PPHLN1: variants seen among roughly 807,000 people sequenced by gnomAD.
PPHLN1 encodes the protein periphilin 1.
PPHLN1 carries 29 observed loss-of-function variants against 51.3 expected under a neutral mutation model. The observed-to-expected ratio is 0.57, with a 90% CI of 0.42 to 0.77. The LOEUF (loss-of-function observed/expected upper bound fraction) is 0.77. Among genes scored for constraint, PPHLN1 ranks in the 30% least tolerant of loss-of-function variants. PPHLN1 has a pLI of 0.00. For missense variants in PPHLN1, 436 were observed against 438.4 expected (o/e 0.99, Z 0.05); for synonymous variants, 147 against 147.8 (o/e 0.99, Z 0.04).
In PPHLN1 at chr12:42,384,949, G is replaced by A. The variant is rs150775133; in HGVS notation, c.521G>A (p.Arg174His). The part of the protein sequence containing the change: ...FHQSQHRKSV[R>H]PGASYKRQNE... ...GCCCACCTTTCCATAGAGTCCGTGC[G>A]TCCTGGTGCCTCCTACAAACGGCAG... The change falls in exon 6 of 10, where the codon CGT becomes CAT. Residue 174 changes from arginine to histidine, a missense_variant. Physicochemically the swap from Arg to His is conservative, Grantham distance 29 (BLOSUM62 0). Coordinates refer to ENST00000358314, the MANE Select transcript of PPHLN1 (RefSeq NM_201439.2). 4.0e-5 allele frequency: 65 copies of A among 1,610,624 alleles called. No individual in the cohort carries two copies. Among genetic ancestry groups the A allele is most frequent in the African/African-American group, 2.8e-4 (21 of 74,962 alleles).
At chr12:42,385,079 T>G in intron 6 of PPHLN1, 83 bp downstream of exon 6, 1 of 1,357,324 alleles carries the variant, frequency 7.4e-7, no homozygotes. Context: ...ATGGGGAAAG[T>G]GTATAACTGC....
chr12:42,349,327 A>G (rs1278441929), intron 2 of PPHLN1, among the ~76,000 whole-genome samples: 6 of 152,162 alleles, frequency 3.9e-5, no homozygotes, highest in Admixed American at 3.3e-4. Flanking sequence ...GTTAGTATTA[A>G]TTTCATTTTA....
At chr12:42,326,560 G>A (rs2068807250) in intron 1 of PPHLN1, among the ~76,000 whole-genome samples, 2 of 152,252 alleles carry the variant, frequency 1.3e-5, no homozygotes, top group Non-Finnish European at 2.9e-5. Context: ...GGCACTTTGG[G>A]AACTACAAAA....
At chr12:42,368,877 G>A (rs1026277221) in intron 4 of PPHLN1, among the ~76,000 whole-genome samples, 1 of 152,214 alleles carries the variant, frequency 6.6e-6, no homozygotes, top group African/African-American at 2.4e-5. Flanking sequence ...GAAAAAGTCC[G>A]TACCTTTCTT....
At chr12:42,390,777 CT>C (rs1343970477) in intron 7 of PPHLN1, among the ~76,000 whole-genome samples, 3 of 148,616 alleles carry the variant, frequency 2.0e-5, no homozygotes, top group African/African-American at 5.0e-5. Flanking sequence ...TTGGATGCCC[CT>C]GATGTAAATG....
intron 4 of PPHLN1, chr12:42,355,428 T>C: frequency 2.1e-6 from 1 of 470,148 alleles, no homozygotes; most frequent in Non-Finnish European, 3.8e-6. Context: ...ATTTTGTAAC[T>C]CATAAAAAAA....
Position 42,354,581 on chromosome 12 carries a change from T to C in PPHLN1, c.238-580T>C, listed in dbSNP as rs574537784. On this transcript the variant is annotated intron_variant, in intron 3 of 9. Coordinates refer to ENST00000358314, the MANE Select transcript of PPHLN1 (RefSeq NM_201439.2). The stretch of plus-strand genomic sequence containing the variant: ...GTTCTTTTTTATGTACCTTTGCAAA[T>C]ATGTCTTAGAGAACAAAATGTGCTT... Among the ~76,000 whole-genome samples the C allele has an allele frequency of 1.1e-4, 17 of 152,338 alleles. No homozygotes were observed. The South Asian group carries it at 1.2e-3, about 11-fold the overall frequency.
Position 42,345,042 on chromosome 12 carries a change from T to C in PPHLN1, c.73-6843T>C, listed in dbSNP as rs73285678. Among the ~76,000 whole-genome samples, 1,388 of 152,282 alleles carry C rather than the reference T, an allele frequency of 9.1e-3. 22 individuals carry two copies. The highest frequency in any genetic ancestry group is 0.031 in the African/African-American group (1,291 of 41,554). ...AAAAATTTGATACAGATTTTTATAT[T>C]GAATCAAATAACCATCAACTTGGTG... is the stretch of plus-strand genomic sequence containing the variant. On this transcript the variant is annotated intron_variant, in intron 2 of 9. Transcript: ENST00000358314.
At chr12:42,388,019 C>T (rs1266676597) in intron 7 of PPHLN1, among the ~76,000 whole-genome samples, 1 of 152,220 alleles carries the variant, frequency 6.6e-6, no homozygotes, top group South Asian at 2.1e-4. Flanking sequence ...TGCGGAACGC[C>T]GCAGGGACCT....
intron 5 of PPHLN1, among the ~76,000 whole-genome samples, chr12:42,376,972 T>G (rs184377924): frequency 1.3e-5 from 2 of 152,242 alleles, no homozygotes; most frequent in East Asian, 3.9e-4. Context: ...AAAAAAAACC[T>G]TAAGAAGATA....
At chr12:42,394,626 G>T (rs2078035991) in intron 8 of PPHLN1, among the ~76,000 whole-genome samples, 1 of 151,994 alleles carries the variant, frequency 6.6e-6, no homozygotes, top group Admixed American at 6.5e-5. Flanking sequence ...TAAAAATGCT[G>T]ATCTGTCTTT....
intron 9 of PPHLN1, among the ~76,000 whole-genome samples, chr12:42,409,163 A>C (rs1275622024): frequency 2.0e-5 from 3 of 152,146 alleles, no homozygotes; most frequent in African/African-American, 7.2e-5. Flanking sequence ...GGATTACTGG[A>C]ACTATGGAAA....
At chr12:42,433,243 CA>C (rs1221778316) in intron 9 of PPHLN1, 13 of 727,044 alleles carry the variant, frequency 1.8e-5, no homozygotes, top group Non-Finnish European at 2.8e-5. Flanking sequence ...ACCTCTACTT[CA>C]TCTCCTTCAC....
At chr12:42,431,179 AT>A (rs775745106) in intron 9 of PPHLN1, among the ~76,000 whole-genome samples, 1 of 152,242 alleles carries the variant, frequency 6.6e-6, no homozygotes, top group Non-Finnish European at 1.5e-5. Flanking sequence ...TCTATAAAGC[AT>A]TTAAAAAACA....
intron 6 of PPHLN1, among the ~76,000 whole-genome samples, chr12:42,385,846 T>C (rs2077146675): frequency 6.6e-6 from 1 of 152,246 alleles, no homozygotes; most frequent in African/African-American, 2.4e-5. Context: ...ATAGCACTTG[T>C]TCTTCTGGGA....
chr12:42,388,859 T>G (rs2077424453), intron 7 of PPHLN1, among the ~76,000 whole-genome samples: 1 of 152,186 alleles, frequency 6.6e-6, no homozygotes, highest in Non-Finnish European at 1.5e-5. Context: ...AGAGGATCAC[T>G]TGAGCCCAGG....
rs768756535 is a variant in PPHLN1 at position 42,398,953 on chromosome 12, C to T, written c.868C>T (p.Arg290Cys). Reference sequence around the variant, plus strand: ...ATTTGAAGATAGTCAGCTAACCACTCGCTCTAAAGCAATAGCATCAAAAAC... The same window carrying T: ...ATTTGAAGATAGTCAGCTAACCACTTGCTCTAAAGCAATAGCATCAAAAAC... ...ELFEDSQLTT[R>C]SKAIASKTKE... The change falls in exon 9 of 10, where the codon CGC becomes TGC. Residue 290 changes from arginine (R) to cysteine (C), a missense_variant. Transcript: ENST00000358314. The T allele has an allele frequency of 3.7e-5, 59 of 1,613,832 alleles. No homozygotes were observed. Among genetic ancestry groups the T allele is most frequent in the South Asian group, 5.5e-5 (5 of 91,074 alleles).
intron 9 of PPHLN1, among the ~76,000 whole-genome samples, chr12:42,422,089 C>T (rs941241798): frequency 6.6e-6 from 1 of 152,092 alleles, no homozygotes; most frequent in Non-Finnish European, 1.5e-5. Flanking sequence ...CAGATTTCAG[C>T]ACTAATGGTA....
In PPHLN1 at chr12:42,335,977, A is replaced by G. The variant is rs2137802351; in HGVS notation, c.72+3A>G. 1.3e-6 allele frequency: 2 copies of G among 1,556,620 alleles called. No individual in the cohort carries two copies. The highest frequency in any genetic ancestry group is 1.7e-6 in the Non-Finnish European group (2 of 1,144,696). On this transcript the variant is annotated splice_donor_region_variant and intron_variant, in intron 2 of 9. Transcript: ENST00000358314. ...CACCTCCTCGAAGTCATCCCAGTGT[A>G]AGTTACTCCTACATATTGAATGATT... is the stretch of plus-strand genomic sequence containing the variant.
Sources: gnomAD v4.1 joint callset for allele counts (sites outside exome capture counted in the v4.1 genomes callset) on GRCh38, gnomAD v4.1.1 for gene constraint, MANE v1.5 for transcripts, NCBI Gene and HGNC (gene_info 2026-07-23, HGNC 2026-07-21) for gene names.